The following SIPA1L3 variants were observed in gnomAD, a reference collection of about 807,000 sequenced individuals.
SIPA1L3 encodes signal-induced proliferation-associated 1-like protein 3.
SIPA1L3 carries 59 observed loss-of-function variants against 150.1 expected under a neutral mutation model. The ratio of observed to expected loss-of-function variants is 0.39; its 90% CI spans 0.32 to 0.49. SIPA1L3 has a LOEUF of 0.49. SIPA1L3 is among the 20% of genes least tolerant of loss of function. The pLI is 0.86. For missense variants in SIPA1L3, 2,211 were observed against 2,489.5 expected (o/e 0.89, Z 2.38); for synonymous variants, 1,070 against 1,077.6 (o/e 0.99, Z 0.14).
rs914633972 is a variant in SIPA1L3, at chr19:38,026,047, A to G, written c.-378-3042A>G. Reference sequence around the variant, plus strand: ...TGTTAGTTGAGAGTCATTTGGTTGTATGAACAAATAGAAATTCAGGTCAAA... The same window carrying G: ...TGTTAGTTGAGAGTCATTTGGTTGTGTGAACAAATAGAAATTCAGGTCAAA... On this transcript the variant is annotated intron_variant, in intron 1 of 21. Transcript: ENST00000222345. 5.3e-5 allele frequency among the ~76,000 whole-genome samples: 8 copies of G among 152,338 alleles called. No homozygotes were observed. In the East Asian group the frequency reaches 1.5e-3, roughly 29 times the overall value.
intron 21 of SIPA1L3, among the ~76,000 whole-genome samples, chr19:38,205,457 C>CG (rs771069744): frequency 2.7e-5 from 2 of 75,440 alleles, no homozygotes; most frequent in African/African-American, 4.4e-5. Flanking sequence ...AACCCAGTCT[C>CG]AAAAAAAAAA....
chr19:38,157,217 G>A (rs899661010), intron 13 of SIPA1L3, among the ~76,000 whole-genome samples: 17 of 152,142 alleles, frequency 1.1e-4, no homozygotes, highest in East Asian at 3.9e-4. Flanking sequence ...ATCAGGCTTC[G>A]CAGCAGATGT....
chr19:38,198,544 C>T lies in SIPA1L3; in HGVS notation c.4984+12C>T. On this transcript the variant is annotated intron_variant, in intron 19 of 21. Coordinates refer to ENST00000222345, the MANE Select transcript of SIPA1L3 (RefSeq NM_015073.3). ...CAAGGCATACGAAGGTAGGCGCCTT[C>T]CACCCAGTCCCGCCAGGCCCCCACC... is the stretch of plus-strand genomic sequence containing the variant. The T allele has an allele frequency of 6.6e-7, 1 of 1,510,646 alleles. No homozygotes were observed. Among genetic ancestry groups the T allele is most frequent in the Non-Finnish European group, 8.9e-7 (1 of 1,128,668 alleles). The allele number at this position is 1,510,646 out of a possible 1,614,324, so 93.6% of individuals were successfully genotyped here.
At chr19:37,956,136 C>T (rs771970277) in intron 1 of SIPA1L3, among the ~76,000 whole-genome samples, 7 of 152,252 alleles carry the variant, frequency 4.6e-5, no homozygotes, top group South Asian at 2.1e-4. Context: ...ACCACAGGTG[C>T]GTGCCACCGC....
intron 15 of SIPA1L3, among the ~76,000 whole-genome samples, chr19:38,171,372 C>G (rs1196101249): frequency 2.7e-5 from 4 of 150,228 alleles, no homozygotes; most frequent in Non-Finnish European, 4.4e-5. Context: ...CCATCTCTAT[C>G]CCCCTACCAA....
At chr19:38,181,838 T>C (rs1257540739) in intron 15 of SIPA1L3, among the ~76,000 whole-genome samples, 2 of 130,504 alleles carry the variant, frequency 1.5e-5, no homozygotes, top group African/African-American at 6.1e-5. Flanking sequence ...AGAGTGAGAC[T>C]CTGTCTCAAA....
chr19:38,155,420 T>C (rs1971922923), intron 13 of SIPA1L3, among the ~76,000 whole-genome samples: 1 of 152,206 alleles, frequency 6.6e-6, no homozygotes, highest in African/African-American at 2.4e-5. Context: ...TGCATTTTTC[T>C]GAAGACTGCT....
chr19:38,207,116 C>G lies in SIPA1L3; in HGVS notation c.*876C>G, dbSNP rs1961803019. The G allele has an allele frequency of 6.6e-6, 1 of 152,278 alleles. No homozygotes were observed. Among genetic ancestry groups the G allele is most frequent in the Non-Finnish European group, 1.5e-5 (1 of 68,144 alleles). 9.4% of individuals were successfully genotyped at this position (152,278 alleles called of 1,614,324 possible). A position where few individuals can be genotyped will look rare whatever the true frequency, so the allele number is the denominator to read the frequency against. ...CCTCCTCCTCCCGGCACGACCTGGC[C>G]CTGACCAGCAGCCTCGGCCTCTTCT... On this transcript the variant is annotated 3_prime_UTR_variant, in exon 22 of 22. Coordinates refer to ENST00000222345, the MANE Select transcript of SIPA1L3 (RefSeq NM_015073.3).
At chr19:38,110,082 T>C in intron 7 of SIPA1L3, 145 bp from the exon 8 acceptor site, 1 of 751,528 alleles carries the variant, frequency 1.3e-6, no homozygotes, top group East Asian at 2.5e-5. Context: ...GGAAGGTTTG[T>C]CACCTGACTC....
chr19:38,128,842 A>G (rs1457730263), intron 9 of SIPA1L3, among the ~76,000 whole-genome samples: 1 of 152,080 alleles, frequency 6.6e-6, no homozygotes, highest in African/African-American at 2.4e-5. Context: ...GGTGGCAGTG[A>G]GCTGAGATCG....
intron 9 of SIPA1L3, among the ~76,000 whole-genome samples, chr19:38,124,095 G>C (rs1340464097): frequency 1.3e-5 from 2 of 149,630 alleles, no homozygotes; most frequent in Non-Finnish European, 3.0e-5. Context: ...CTGGCCGGGC[G>C]GGGGGCTGAC....
chr19:38,049,880 G>C (rs1969150976), intron 2 of SIPA1L3, among the ~76,000 whole-genome samples: 1 of 151,972 alleles, frequency 6.6e-6, no homozygotes, highest in Admixed American at 6.6e-5. Flanking sequence ...GGGTCTCCGG[G>C]GTTTTAATGC....
At chr19:37,957,042 A>G (rs1332868321) in intron 1 of SIPA1L3, among the ~76,000 whole-genome samples, 2 of 152,242 alleles carry the variant, frequency 1.3e-5, no homozygotes, top group East Asian at 1.9e-4. Flanking sequence ...CCATTTGTTG[A>G]AAAAAAGACC....
At chr19:38,010,712 AAAAAC>A (rs1362405911) in intron 1 of SIPA1L3, among the ~76,000 whole-genome samples, 3 of 152,164 alleles carry the variant, frequency 2.0e-5, no homozygotes, top group African/African-American at 4.8e-5. Context: ...ACTCTGTCTA[AAAAAC>A]AAAACAAAAC....
intron 1 of SIPA1L3, among the ~76,000 whole-genome samples, chr19:37,935,346 G>A (rs927124345): frequency 1.3e-5 from 2 of 152,066 alleles, no homozygotes; most frequent in Admixed American, 6.6e-5. Context: ...ATTTTTGTTG[G>A]GATTTGTGAT....
intron 15 of SIPA1L3, among the ~76,000 whole-genome samples, chr19:38,182,248 A>G (rs1972571888): frequency 6.6e-6 from 1 of 152,136 alleles, no homozygotes; most frequent in Non-Finnish European, 1.5e-5. Flanking sequence ...AGGTTGTACC[A>G]AGGAGACGGG....
intron 16 of SIPA1L3, among the ~76,000 whole-genome samples, chr19:38,188,718 C>T (rs1472111147): frequency 2.0e-5 from 3 of 151,636 alleles, no homozygotes; most frequent in Admixed American, 6.6e-5. Flanking sequence ...GTCAGGAGAT[C>T]GAGACCATCC....
At position 38,182,547 on chromosome 19, in the gene SIPA1L3, G is replaced by A. The variant is rs376194031; in HGVS notation, c.4237G>A (p.Ala1413Thr). The A allele has an allele frequency of 1.3e-4, 206 of 1,612,958 alleles. No individual in the cohort carries two copies. Among genetic ancestry groups the A allele is most frequent in the Non-Finnish European group, 1.6e-4 (183 of 1,179,472 alleles). ...CATGGGCTCGAGGGTTGGCTACCCC[G>A]CTCAGGTTTACAAAACTGCCAGTGC... ...SDMGSRVGYP[A>T]QVYKTASAET... The change falls in exon 16 of 22, where the codon GCT (alanine) becomes ACT (threonine). Residue 1413 changes from alanine (A) to threonine (T), a missense_variant. By Grantham distance (58) the Ala-to-Thr change is moderately conservative. Around this residue, in one of 5 missense-constraint regions of SIPA1L3, gnomAD observed 806 missense variants for 870.1 expected, o/e 0.93. Transcript: ENST00000222345.
chr19:38,193,662 C>T lies in SIPA1L3; in HGVS notation c.4722C>T (p.Thr1574=). 6.3e-7 allele frequency: 1 copy of T among 1,581,674 alleles called. No individual in the cohort carries two copies. The highest frequency in any genetic ancestry group is 8.5e-7 in the Non-Finnish European group (1 of 1,171,714). The change falls in exon 18 of 22, where the codon ACC becomes ACT. Residue 1574 remains threonine, a synonymous_variant. Transcript: ENST00000222345. Reference sequence around the variant, plus strand: ...GGCTGCCCAGCGACGTGCTCTTCACCAGCACCTGCGCCTTCCCGTCCAGCA... The same window carrying T: ...GGCTGCCCAGCGACGTGCTCTTCACTAGCACCTGCGCCTTCCCGTCCAGCA... ...EPGLPSDVLF[T]STCAFPSSTL...
Sources: allele counts gnomAD v4.1 joint callset (sites outside exome capture counted in the v4.1 genomes callset), GRCh38; gene constraint gnomAD v4.1.1; regional missense constraint gnomAD v4.1.1; transcripts MANE v1.5; gene names NCBI Gene and HGNC (gene_info 2026-07-23, HGNC 2026-07-21).